The following SUZ12 variants were observed in gnomAD, a reference collection of about 807,000 sequenced individuals.
SUZ12 encodes SUZ12 polycomb repressive complex 2 subunit.
SUZ12 carries 17 observed loss-of-function variants against 87.3 expected under a neutral mutation model. That is an observed-to-expected ratio of 0.19 (90% CI 0.13 to 0.29). The LOEUF (loss-of-function observed/expected upper bound fraction) is 0.29, where lower values mean the gene tolerates loss of function less well. Ranked by LOEUF, SUZ12 falls within the 10% of genes least tolerant of loss-of-function variation. The probability of loss-of-function intolerance (pLI) is 1.00; values close to 1 mark genes in which losing one functional copy is unlikely to be tolerated. For missense variants in SUZ12, 526 were observed against 912.2 expected (o/e 0.58, Z 5.45); for synonymous variants, 253 against 312.4 (o/e 0.81, Z 2.01).
chr17:31,957,691 G>A (rs991470318), intron 4 of SUZ12, among the ~76,000 whole-genome samples: 24 of 149,240 alleles, frequency 1.6e-4, no homozygotes, highest in East Asian at 1.9e-4. Context: ...GATTGTAGCC[G>A]TAAGCCACTG....
chr17:31,984,610 A>G (rs969757065), intron 9 of SUZ12, among the ~76,000 whole-genome samples: 3 of 152,242 alleles, frequency 2.0e-5, no homozygotes, highest in African/African-American at 4.8e-5. Context: ...AATACATAAT[A>G]TTGTGAATTA....
chr17:31,951,247 A>T (rs1906960524), intron 4 of SUZ12, among the ~76,000 whole-genome samples: 1 of 152,196 alleles, frequency 6.6e-6, no homozygotes, highest in African/African-American at 2.4e-5. Context: ...ATCAAGATAA[A>T]AATACCATAG....
intron 4 of SUZ12, among the ~76,000 whole-genome samples, chr17:31,948,953 C>T (rs1219988423): frequency 6.6e-6 from 1 of 152,124 alleles, no homozygotes; most frequent in Non-Finnish European, 1.5e-5. Flanking sequence ...TCTTGGGATC[C>T]TCAGGGCCTT....
At position 31,994,739 on chromosome 17, in the gene SUZ12, A is replaced by G. The variant is rs756647150; in HGVS notation, c.1595+18A>G. 6.2e-6 allele frequency: 10 copies of G among 1,607,666 alleles called. No homozygotes were observed. Among genetic ancestry groups the G allele is most frequent in the Middle Eastern group, 1.7e-4 (1 of 6,056 alleles). On this transcript the variant is annotated intron_variant, in intron 13 of 15. Coordinates refer to ENST00000322652, the MANE Select transcript of SUZ12 (RefSeq NM_015355.4). Reference sequence around the variant, plus strand: ...GTGTGCAGGTAGGTAAAAAGGGCATATAAGAAAAGTTTAAGCTCTGATTTT... The same window carrying G: ...GTGTGCAGGTAGGTAAAAAGGGCATGTAAGAAAAGTTTAAGCTCTGATTTT...
rs901802314 is a variant in SUZ12 at position 31,937,480 on chromosome 17, C to G, written c.234C>G (p.His78Gln). The G allele has an allele frequency of 3.2e-6, 5 of 1,542,174 alleles. No homozygotes were observed. Among genetic ancestry groups the G allele is most frequent in the Admixed American group, 3.9e-5 (2 of 50,838 alleles). Residue 78 changes from histidine (H) to glutamine (Q), a missense_variant, in exon 1 of 16, where the codon CAC (histidine) becomes CAG (glutamine). This residue lies in a region of SUZ12 where 18 missense variants were observed against 62.3 expected (regional missense o/e 0.29). Coordinates refer to ENST00000322652, the MANE Select transcript of SUZ12 (RefSeq NM_015355.4). Reference sequence around the variant, plus strand: ...CGGTGAAGAAGCCGAAAATGGAGCACGTCCAGGCTGACCACGAGCTTTTCC... The same window carrying G: ...CGGTGAAGAAGCCGAAAATGGAGCAGGTCCAGGCTGACCACGAGCTTTTCC... ...VLPVKKPKMEHVQADHELFLQ... is the reference protein window; with the variant it reads ...VLPVKKPKMEQVQADHELFLQ...
chr17:31,946,145 T>C (rs1906622341), intron 3 of SUZ12, among the ~76,000 whole-genome samples: 3 of 152,206 alleles, frequency 2.0e-5, no homozygotes, highest in Non-Finnish European at 2.9e-5. Flanking sequence ...ACTTGAAATA[T>C]AGATTGTATC....
intron 4 of SUZ12, among the ~76,000 whole-genome samples, chr17:31,963,144 TA>T (rs1306810524): frequency 0.054 from 7,852 of 146,296 alleles, no homozygotes; most frequent in African/African-American, 0.19. Flanking sequence ...TGTATACGAT[TA>T]TTTATTATTA....
intron 8 of SUZ12, among the ~76,000 whole-genome samples, chr17:31,980,327 T>G (rs76176335): frequency 2.3e-4 from 34 of 150,826 alleles, no homozygotes; most frequent in South Asian, 4.2e-4. Flanking sequence ...TCTCATATTT[T>G]GTCAGGAGGA....
intron 8 of SUZ12, among the ~76,000 whole-genome samples, chr17:31,977,598 AAAAG>A (rs914129155): frequency 6.6e-6 from 1 of 151,966 alleles, no homozygotes; most frequent in Non-Finnish European, 1.5e-5. Flanking sequence ...CTTTTTTAAA[AAAAG>A]AAAGAAGGCC....
At chr17:31,976,785 A>G (rs1057249077) in intron 8 of SUZ12, among the ~76,000 whole-genome samples, 171 bp downstream of exon 8, 4 of 152,248 alleles carry the variant, frequency 2.6e-5, no homozygotes, top group East Asian at 1.9e-4. Context: ...ATAGAAAACA[A>G]TAATTAAGGA....
chr17:31,972,944 G>A (rs1354987286), intron 5 of SUZ12, among the ~76,000 whole-genome samples: 2 of 150,096 alleles, frequency 1.3e-5, no homozygotes, highest in Non-Finnish European at 3.0e-5. Flanking sequence ...TGTTTTGTGA[G>A]TGGTTTATTT....
chr17:31,955,290 G>T (rs529157202), intron 4 of SUZ12, among the ~76,000 whole-genome samples: 2 of 151,902 alleles, frequency 1.3e-5, no homozygotes, highest in East Asian at 1.9e-4. Context: ...TTAAAAAAAG[G>T]TTTTTTTAGG....
At chr17:31,991,963 C>G (rs1380594147) in intron 10 of SUZ12, among the ~76,000 whole-genome samples, 1 of 151,972 alleles carries the variant, frequency 6.6e-6, no homozygotes, top group Non-Finnish European at 1.5e-5. Context: ...AGTGCCTGCT[C>G]ACACCTGGGA....
intron 10 of SUZ12, among the ~76,000 whole-genome samples, chr17:31,989,441 C>G (rs978378019): frequency 6.6e-6 from 1 of 152,076 alleles, no homozygotes; most frequent in African/African-American, 2.4e-5. Flanking sequence ...TATATAACAT[C>G]TTGAAGTGGG....
intron 1 of SUZ12, 79 bp downstream of exon 1, chr17:31,937,599 TCCTC>T: frequency 6.6e-7 from 1 of 1,510,862 alleles, no homozygotes; most frequent in Non-Finnish European, 8.8e-7. Context: ...TGGGCCCCCT[TCCTC>T]CTCGGGAGTC....
At chr17:31,950,335 G>T (rs1470848706) in intron 4 of SUZ12, among the ~76,000 whole-genome samples, 1 of 152,154 alleles carries the variant, frequency 6.6e-6, no homozygotes. Context: ...CTAAACACCA[G>T]TATATGATGC....
chr17:31,968,441 A>C lies in SUZ12; in HGVS notation c.505+2245A>C, dbSNP rs1161900944. Among the ~76,000 whole-genome samples the C allele has an allele frequency of 4.6e-5, 7 of 152,124 alleles. No individual in the cohort carries two copies. The East Asian group carries it at 1.4e-3, about 29-fold the overall frequency. ...AAGATGGAATCTCACTACATTTCCCAGGCTGGTCTCAAACTCCTGGTCTCA... is the reference window on the plus strand; with the variant it reads ...AAGATGGAATCTCACTACATTTCCCCGGCTGGTCTCAAACTCCTGGTCTCA... On this transcript the variant is annotated intron_variant, in intron 5 of 15. Transcript: ENST00000322652.
intron 4 of SUZ12, among the ~76,000 whole-genome samples, chr17:31,960,513 T>C (rs889023521): frequency 2.6e-5 from 4 of 150,954 alleles, no homozygotes; most frequent in Admixed American, 6.6e-5. Flanking sequence ...CCAGCCAGAG[T>C]GTTTACTTTT....
chr17:31,964,086 G>A (rs1426178749), intron 4 of SUZ12, among the ~76,000 whole-genome samples: 10,489 of 150,670 alleles, frequency 0.07, no homozygotes, highest in African/African-American at 0.23. Flanking sequence ...GAGTGCAGTG[G>A]TGCAATCTCG....
Sources: gnomAD v4.1 joint callset for allele counts (sites outside exome capture counted in the v4.1 genomes callset) on GRCh38, gnomAD v4.1.1 for gene constraint, gnomAD v4.1.1 regional missense constraint, MANE v1.5 for transcripts, NCBI Gene and HGNC (gene_info 2026-07-23, HGNC 2026-07-21) for gene names.